Variants in ITGAV observed in about 807,000 individuals in gnomAD.
The protein encoded by ITGAV is integrin alpha-V.
Under a neutral mutation model 143.8 loss-of-function variants are expected in ITGAV, and 76 were observed. That is an observed-to-expected ratio of 0.53 (90% confidence interval 0.44 to 0.64). The LOEUF (loss-of-function observed/expected upper bound fraction) is 0.64. Ranked by LOEUF, ITGAV falls within the 30% of genes least tolerant of loss-of-function variation. The pLI is 0.00. For missense variants in ITGAV, 1,193 were observed against 1,274.7 expected, an observed-to-expected ratio of 0.94 and a Z score of 0.98; for synonymous variants, 453 against 446.7, an observed-to-expected ratio of 1.01 and a Z score of -0.18.
chr2:186,656,321 A>G lies in ITGAV; in HGVS notation c.1639A>G (p.Arg547Gly), dbSNP rs772206489. Residue 547 changes from arginine to glycine, a missense_variant, in exon 17 of 30, where the codon AGG becomes GGG. Transcript: ENST00000261023. ...AIRRALFLYS[R>G]SPSHSKNMTI... ...TCGACGAGCACTGTTTCTCTACAGC[A>G]GGTCCCCAAGTCACTCCAAGAACAT... 3.2e-6 allele frequency: 5 copies of G among 1,583,862 alleles called. No individual in the cohort carries two copies. The highest frequency in any genetic ancestry group is 2.6e-6 in the Non-Finnish European group (3 of 1,168,862).
Position 186,677,569 on chromosome 2 carries a change from C to A in ITGAV, c.*277C>A. ...TCAATGTATATAAGACAGGTAGTGC[C>A]TGATTTACTACTTTATATAAAATAG... On this transcript the variant is annotated 3_prime_UTR_variant, in exon 30 of 30. Coordinates refer to ENST00000261023, the MANE Select transcript of ITGAV (RefSeq NM_002210.5). 4.0e-6 allele frequency: 1 copy of A among 247,334 alleles called. No homozygotes were observed. The highest frequency in any genetic ancestry group is 7.9e-6 in the Non-Finnish European group (1 of 127,286). The allele number at this position is 247,334 out of a possible 1,614,324, so 15.3% of individuals were successfully genotyped here.
At chr2:186,641,113 C>A in intron 11 of ITGAV, 146 bp downstream of exon 11, 1 of 723,174 alleles carries the variant, frequency 1.4e-6, no homozygotes, top group Non-Finnish European at 2.3e-6. Context: ...CAACCTTAAT[C>A]ATGAATTCTA....
chr2:186,614,817 C>T (rs1687308463), intron 2 of ITGAV, among the ~76,000 whole-genome samples: 2 of 151,876 alleles, frequency 1.3e-5, no homozygotes, highest in South Asian at 4.1e-4. Flanking sequence ...GCTACAGCTA[C>T]TTTTTCTCCT....
intron 2 of ITGAV, among the ~76,000 whole-genome samples, chr2:186,609,814 G>A (rs1021479551): frequency 5.3e-5 from 8 of 152,016 alleles, no homozygotes; most frequent in Non-Finnish European, 1.2e-4. Context: ...ATGTATGTGG[G>A]CATAAGGGTT....
intron 23 of ITGAV, 135 bp from the exon 24 acceptor site, chr2:186,667,536 T>C (rs530656133): frequency 1.9e-6 from 1 of 527,064 alleles, no homozygotes; most frequent in African/African-American, 1.9e-5. Context: ...GTGTGTTCAT[T>C]AGTTTTCTTT....
intron 2 of ITGAV, among the ~76,000 whole-genome samples, chr2:186,603,153 TTAGA>T (rs1386792917): frequency 1.1e-4 from 16 of 152,334 alleles, no homozygotes; most frequent in Admixed American, 5.2e-4. Context: ...TTGTGAAATC[TTAGA>T]TAGTCCTTAA....
At position 186,680,463 on chromosome 2, in the gene ITGAV, C is replaced by T. The variant is rs200669626; in HGVS notation, c.*3171C>T. 33 of 152,244 alleles carry T rather than the reference C, an allele frequency of 2.2e-4. No homozygotes were observed. Among genetic ancestry groups the T allele is most frequent in the Non-Finnish European group, 3.7e-4 (25 of 67,880 alleles). 9.4% of individuals were successfully genotyped at this position (152,244 alleles called of 1,614,324 possible). A position where few individuals can be genotyped will look rare whatever the true frequency, so the allele number is the denominator to read the frequency against. On this transcript the variant is annotated 3_prime_UTR_variant, in exon 30 of 30. Coordinates refer to ENST00000261023, the MANE Select transcript of ITGAV (RefSeq NM_002210.5). ...ATCTTTGATGTTTTTTGTCATTGTT[C>T]TCAAGTGCAATATAACAATGTAACC... is the stretch of plus-strand genomic sequence containing the variant.
chr2:186,632,418 G>GC (rs374335754), intron 5 of ITGAV, among the ~76,000 whole-genome samples: 6,496 of 139,988 alleles, frequency 0.046, 475 homozygotes, highest in African/African-American at 0.16. Context: ...TGACTTAGAA[G>GC]TTCTTTTACG....
chr2:186,599,207 C>T (rs1265349679), intron 1 of ITGAV, among the ~76,000 whole-genome samples: 1 of 152,054 alleles, frequency 6.6e-6, no homozygotes, highest in Non-Finnish European at 1.5e-5. Context: ...TGCCTGTATC[C>T]TGCTTTATTT....
intron 19 of ITGAV, 116 bp from the exon 20 acceptor site, chr2:186,664,378 T>C: frequency 3.0e-6 from 3 of 989,716 alleles, no homozygotes; most frequent in Non-Finnish European, 4.5e-6. Flanking sequence ...TTAAAATACC[T>C]TGAGACACTG....
At chr2:186,615,258 A>G (rs1034255847) in intron 2 of ITGAV, among the ~76,000 whole-genome samples, 2 of 152,122 alleles carry the variant, frequency 1.3e-5, no homozygotes, top group African/African-American at 2.4e-5. Flanking sequence ...TAATGCTACT[A>G]TGAACATTCA....
chr2:186,664,437 A>T, intron 19 of ITGAV, 57 bp from the exon 20 acceptor site: 1 of 1,533,496 alleles, frequency 6.5e-7, no homozygotes, highest in Non-Finnish European at 9.0e-7. Flanking sequence ...TTGAACAGTC[A>T]TACTTTCCCC....
intron 18 of ITGAV, among the ~76,000 whole-genome samples, chr2:186,661,904 T>C (rs1156980502): frequency 6.6e-6 from 1 of 152,068 alleles, no homozygotes; most frequent in African/African-American, 2.4e-5. Context: ...CTCAAATACA[T>C]ACTAATTTCT....
intron 2 of ITGAV, among the ~76,000 whole-genome samples, chr2:186,622,072 CTT>C (rs1235020962): frequency 3.3e-5 from 5 of 152,182 alleles, no homozygotes; most frequent in South Asian, 4.2e-4. Context: ...AACTGGAAAA[CTT>C]TATTTACAAT....
At chr2:186,669,884 A>G in intron 26 of ITGAV, 70 bp downstream of exon 26, 1 of 994,834 alleles carries the variant, frequency 1.0e-6, no homozygotes, top group South Asian at 1.4e-5. Flanking sequence ...GACGCCAAAG[A>G]ACATTTCAAA....
rs1442409497 is a variant in ITGAV, at chr2:186,649,324, GGT to G, written c.1352-515_1352-514del. 3.3e-5 allele frequency among the ~76,000 whole-genome samples: 5 copies of G among 150,560 alleles called. No homozygotes were observed. The East Asian group carries it at 9.8e-4, about 29-fold the overall frequency. On this transcript the variant is annotated intron_variant, in intron 13 of 29. Transcript: ENST00000261023. ...AAAAGACTTCCTCAAATTTAGCTTG[GGT>G]ATACTGTGAGATAGAGCTCTCATTT...
chr2:186,659,022 G>T lies in ITGAV; in HGVS notation c.1720-16G>T. 1 of 1,598,030 alleles carries T rather than the reference G, an allele frequency of 6.3e-7. No individual in the cohort carries two copies. The highest frequency in any genetic ancestry group is 1.7e-5 in the Admixed American group (1 of 58,672). On this transcript the variant is annotated splice_polypyrimidine_tract_variant and intron_variant, in intron 17 of 29. Transcript: ENST00000261023. ...AGGTTGACGTTATCATTAATTCAAA[G>T]CGTTTCCATTTCTAGGATGAATCTG... is the stretch of plus-strand genomic sequence containing the variant.
Position 186,675,629 on chromosome 2 carries a change from A to G in ITGAV, c.2732A>G (p.Lys911Arg). Residue 911 changes from lysine (K) to arginine (R), a missense_variant, in exon 27 of 30, where the codon AAG becomes AGG. By Grantham distance (26) the Lys-to-Arg change is conservative. Coordinates refer to ENST00000261023, the MANE Select transcript of ITGAV (RefSeq NM_002210.5). The stretch of plus-strand genomic sequence containing the variant: ...GGTTGTGGAGTTGCTCAGTGCTTGA[A>G]GATTGTCTGCCAAGTTGGGAGATTA... ...TLGCGVAQCL[K>R]IVCQVGRLDR... 6.2e-7 allele frequency: 1 copy of G among 1,614,004 alleles called. No individual in the cohort carries two copies. The highest frequency in any genetic ancestry group is 8.5e-7 in the Non-Finnish European group (1 of 1,179,868).
chr2:186,636,153 A>C lies in ITGAV; in HGVS notation c.703A>C (p.Asn235His). 6.2e-7 allele frequency: 1 copy of C among 1,613,326 alleles called. No homozygotes were observed. The highest frequency in any genetic ancestry group is 1.3e-5 in the African/African-American group (1 of 75,018). The change falls in exon 7 of 30, where the codon AAT becomes CAT. Residue 235 changes from asparagine to histidine, a missense_variant. Asn to His is a moderately conservative substitution (Grantham distance 68). Coordinates refer to ENST00000261023, the MANE Select transcript of ITGAV (RefSeq NM_002210.5). ...CCCCAATGTTTACAGCATCAAGTAT[A>C]ATAACCAATTAGCAACTCGGACTGC... ...YDPNVYSIKY[N>H]NQLATRTAQA... is the part of the protein sequence containing the mutation.
Sources: gnomAD v4.1 joint callset for allele counts (sites outside exome capture counted in the v4.1 genomes callset) on GRCh38, gnomAD v4.1.1 for gene constraint, MANE v1.5 for transcripts, NCBI Gene and HGNC (gene_info 2026-07-23, HGNC 2026-07-21) for gene names.